Variants in MYO3B observed in about 807,000 individuals in gnomAD.
MYO3B encodes the protein myosin IIIB, also known as myosin-IIIb.
MYO3B carries 156 observed loss-of-function variants against 174.6 expected under a neutral mutation model. That is an observed-to-expected ratio of 0.89 (90% CI 0.78 to 1.02). MYO3B has a LOEUF of 1.02. Among genes scored for constraint, MYO3B ranks in the 50% least tolerant of loss-of-function variants. MYO3B has a pLI of 0.00. For synonymous variants in MYO3B, 563 were observed against 569.1 expected (o/e 0.99, Z 0.15); for missense variants, 1,632 against 1,639.4 (o/e 1.00, Z 0.08).
chr2:170,626,484 A>T (rs967941592), intron 32 of MYO3B, among the ~76,000 whole-genome samples: 1 of 152,102 alleles, frequency 6.6e-6, no homozygotes, highest in African/African-American at 2.4e-5. Flanking sequence ...CAGCACACTG[A>T]TGGGTCTTGA....
chr2:170,425,762 C>A (rs1170884378), intron 22 of MYO3B, among the ~76,000 whole-genome samples: 1 of 152,146 alleles, frequency 6.6e-6, no homozygotes, highest in African/African-American at 2.4e-5. Context: ...TGCATAAGAT[C>A]AAAATCCCTG....
chr2:170,614,185 C>G (rs896466439), intron 32 of MYO3B, among the ~76,000 whole-genome samples: 3 of 152,144 alleles, frequency 2.0e-5, no homozygotes, highest in African/African-American at 7.2e-5. Context: ...GCTCAACTCT[C>G]TGCTGCTTAG....
chr2:170,214,001 T>C (rs896250571), intron 3 of MYO3B, among the ~76,000 whole-genome samples: 25 of 152,242 alleles, frequency 1.6e-4, no homozygotes, highest in African/African-American at 4.6e-4. Context: ...ACATAGACAA[T>C]ATTCATATAA....
intron 16 of MYO3B, among the ~76,000 whole-genome samples, chr2:170,399,697 C>T (rs1042839217): frequency 6.6e-6 from 1 of 152,178 alleles, no homozygotes; most frequent in Non-Finnish European, 1.5e-5. Context: ...GAAACAGCTC[C>T]TCTCTTGCTT....
intron 32 of MYO3B, among the ~76,000 whole-genome samples, chr2:170,599,910 C>A (rs919021164): frequency 6.6e-6 from 1 of 151,974 alleles, no homozygotes; most frequent in South Asian, 2.1e-4. Flanking sequence ...AGATTTAATA[C>A]AAATATCCTT....
Position 170,653,174 on chromosome 2 carries a change from G to A in MYO3B, c.*53G>A, listed in dbSNP as rs551933236. 17 of 1,606,196 alleles carry A rather than the reference G, an allele frequency of 1.1e-5. No homozygotes were observed. In the East Asian group the frequency reaches 1.6e-4, roughly 15 times the overall value. ...CAGAGTAGGAACATTCATGGTAATC[G>A]ACTGTCTGTCATTGCGTAAGAAAGC... is the stretch of plus-strand genomic sequence containing the variant. On this transcript the variant is annotated 3_prime_UTR_variant, in exon 35 of 35. Transcript: ENST00000408978.
intron 23 of MYO3B, among the ~76,000 whole-genome samples, chr2:170,458,151 C>T (rs1312392721): frequency 6.6e-6 from 1 of 152,200 alleles, no homozygotes; most frequent in Non-Finnish European, 1.5e-5. Context: ...TGTACATGCT[C>T]TGCTTCGATA....
At chr2:170,465,909 G>A (rs1024123062) in intron 24 of MYO3B, among the ~76,000 whole-genome samples, 4 of 152,116 alleles carry the variant, frequency 2.6e-5, no homozygotes, top group African/African-American at 9.7e-5. Flanking sequence ...TCCCTCACAA[G>A]CACCCCCCTG....
chr2:170,302,597 A>G (rs1163157442), intron 7 of MYO3B, among the ~76,000 whole-genome samples: 1 of 152,200 alleles, frequency 6.6e-6, no homozygotes, highest in Non-Finnish European at 1.5e-5. Flanking sequence ...GACTTTCTAT[A>G]TTCATTAAAG....
At chr2:170,232,378 G>A (rs909112843) in intron 6 of MYO3B, among the ~76,000 whole-genome samples, 17 of 152,304 alleles carry the variant, frequency 1.1e-4, no homozygotes, top group Admixed American at 1.3e-4. Flanking sequence ...AACTCTCATC[G>A]TATGTGTAAC....
At chr2:170,304,222 G>T (rs953108589) in intron 7 of MYO3B, among the ~76,000 whole-genome samples, 1 of 151,942 alleles carries the variant, frequency 6.6e-6, no homozygotes, top group African/African-American at 2.4e-5. Flanking sequence ...TAACAAAATG[G>T]CCATAGTGAT....
At chr2:170,202,296 T>C (rs986608098) in intron 3 of MYO3B, among the ~76,000 whole-genome samples, 21 of 152,220 alleles carry the variant, frequency 1.4e-4, no homozygotes, top group African/African-American at 5.1e-4. Flanking sequence ...TGACTTTTGC[T>C]GGTTGTTTTG....
At chr2:170,307,242 C>CAAAAAAAAA (rs10718469) in intron 7 of MYO3B, among the ~76,000 whole-genome samples, 1 of 57,650 alleles carries the variant, frequency 1.7e-5, no homozygotes, top group African/African-American at 5.5e-5. Context: ...GGCCTTATCT[C>CAAAAAAAAA]AAAAAAAAAA....
chr2:170,618,149 G>C (rs541491524), intron 32 of MYO3B, among the ~76,000 whole-genome samples: 2 of 152,240 alleles, frequency 1.3e-5, no homozygotes, highest in South Asian at 4.2e-4. Context: ...GATATTGAAA[G>C]GGGTTCCTTC....
At chr2:170,504,113 A>G (rs867325504) in intron 28 of MYO3B, among the ~76,000 whole-genome samples, 13 of 152,242 alleles carry the variant, frequency 8.5e-5, no homozygotes, top group African/African-American at 3.1e-4. Context: ...ATTTCCTAGT[A>G]GAACCAGACC....
At chr2:170,306,705 G>A (rs749122574) in intron 7 of MYO3B, among the ~76,000 whole-genome samples, 2 of 152,130 alleles carry the variant, frequency 1.3e-5, no homozygotes, top group Non-Finnish European at 2.9e-5. Context: ...AACTGCTGTC[G>A]TTCTGGCCCT....
At chr2:170,446,924 G>T (rs992653995) in intron 23 of MYO3B, among the ~76,000 whole-genome samples, 2 of 152,306 alleles carry the variant, frequency 1.3e-5, no homozygotes, top group Non-Finnish European at 2.9e-5. Context: ...AAAAACAAAA[G>T]GGTATGATTT....
chr2:170,233,775 A>G (rs1463171022), intron 6 of MYO3B, among the ~76,000 whole-genome samples: 1 of 152,226 alleles, frequency 6.6e-6, no homozygotes, highest in Non-Finnish European at 1.5e-5. Flanking sequence ...CAGTTGGCAC[A>G]TTTTGCCAGG....
intron 32 of MYO3B, among the ~76,000 whole-genome samples, chr2:170,636,559 CCT>C (rs1360612568): frequency 6.6e-6 from 1 of 151,938 alleles, no homozygotes; most frequent in African/African-American, 2.4e-5. Context: ...CCATTTAACC[CCT>C]CTCTGCTGGG....
Sources: gnomAD v4.1 joint callset for allele counts (sites outside exome capture counted in the v4.1 genomes callset) on GRCh38, gnomAD v4.1.1 for gene constraint, MANE v1.5 for transcripts, NCBI Gene and HGNC (gene_info 2026-07-23, HGNC 2026-07-21) for gene names.